PVT1: variants seen among roughly 807,000 people sequenced by gnomAD.
PVT1 encodes Pvt1 oncogene, also known as CXCR4/PVT1 fusion.
intron 2 of PVT1, among the ~76,000 whole-genome samples, chr8:127,835,795 T>C (rs1363736170): frequency 1.3e-5 from 2 of 152,146 alleles, no homozygotes; most frequent in Non-Finnish European, 2.9e-5. Flanking sequence ...TCACACACAA[T>C]TGGATGAGGT....
intron 5 of PVT1, among the ~76,000 whole-genome samples, chr8:128,094,877 C>T (rs114092922): frequency 0.011 from 1,673 of 152,292 alleles, 30 homozygotes; most frequent in African/African-American, 0.038. Context: ...CTCCCCAGAC[C>T]TCTCAGTCTA....
At chr8:127,841,727 T>C (rs1586402362) in intron 2 of PVT1, among the ~76,000 whole-genome samples, 1 of 149,240 alleles carries the variant, frequency 6.7e-6, no homozygotes, top group African/African-American at 2.5e-5. Context: ...ACACATCTGC[T>C]TTTTTTTTTC....
chr8:127,811,523 C>T (rs1215234640), intron 2 of PVT1, among the ~76,000 whole-genome samples: 1 of 152,194 alleles, frequency 6.6e-6, no homozygotes, highest in East Asian at 1.9e-4. Flanking sequence ...GAATGCTAGA[C>T]TGAGCAAGCA....
rs1194929585 is a variant in PVT1 at position 127,898,586 on chromosome 8, T to A, written n.782+7588T>A. ...CCATAATTGATGGGCCACACTAGAC[T>A]GGAGCCAACCATGGCCCATTGCTGA... On this transcript the variant is annotated intron_variant and non_coding_transcript_variant, in intron 3 of 10. Transcript: ENST00000651587. The surrounding 1 kb of genome is among the most constrained non-coding windows in gnomAD (Gnocchi z 4.4). 1.3e-5 allele frequency among the ~76,000 whole-genome samples: 2 copies of A among 152,224 alleles called. No homozygotes were observed. The highest frequency in any genetic ancestry group is 4.8e-5 in the African/African-American group (2 of 41,462).
intron 2 of PVT1, among the ~76,000 whole-genome samples, chr8:127,846,307 T>C (rs1815033307): frequency 6.6e-6 from 1 of 152,226 alleles, no homozygotes; most frequent in African/African-American, 2.4e-5. Context: ...CCATGGTGTC[T>C]TTGGCCTTAT....
At chr8:127,921,598 G>A (rs1026088305) in intron 3 of PVT1, among the ~76,000 whole-genome samples, 2 of 152,040 alleles carry the variant, frequency 1.3e-5, no homozygotes, top group Non-Finnish European at 2.9e-5. Context: ...GATCATTTGA[G>A]GCCAGGAGTT....
intron 4 of PVT1, among the ~76,000 whole-genome samples, chr8:128,020,485 G>T (rs933304417): frequency 7.2e-5 from 11 of 152,194 alleles, no homozygotes; most frequent in African/African-American, 2.4e-4. Flanking sequence ...GTAGGAACTG[G>T]AGGGAGAGAC....
At chr8:127,962,275 A>G (rs1482532060) in intron 3 of PVT1, among the ~76,000 whole-genome samples, 1 of 152,116 alleles carries the variant, frequency 6.6e-6, no homozygotes, top group African/African-American at 2.4e-5. Context: ...ATGAATGTAG[A>G]ATTCTGAGCC....
chr8:128,068,418 A>C (rs1175375215), intron 4 of PVT1, among the ~76,000 whole-genome samples: 1 of 152,176 alleles, frequency 6.6e-6, no homozygotes, highest in Non-Finnish European at 1.5e-5. Flanking sequence ...TGGGAGTCAC[A>C]GTGATGTTCA....
intron 2 of PVT1, among the ~76,000 whole-genome samples, chr8:127,836,186 T>G (rs562404606): frequency 1.3e-5 from 2 of 152,322 alleles, no homozygotes; most frequent in East Asian, 3.8e-4. Context: ...ATTATTTGGC[T>G]CTTTGATTTT....
intron 4 of PVT1, among the ~76,000 whole-genome samples, chr8:128,010,874 T>C (rs1817306758): frequency 6.6e-6 from 1 of 152,214 alleles, no homozygotes; most frequent in Non-Finnish European, 1.5e-5. Flanking sequence ...CACATTTGCC[T>C]GCCGTGTTTA....
At chr8:127,867,166 G>C (rs935548864) in intron 2 of PVT1, among the ~76,000 whole-genome samples, 1 of 152,244 alleles carries the variant, frequency 6.6e-6, no homozygotes, top group Admixed American at 6.5e-5. Context: ...AGAATGCTAG[G>C]AATGGCCAGG....
chr8:127,803,004 A>T (rs898472765), intron 2 of PVT1: 1 of 152,784 alleles, frequency 6.5e-6, no homozygotes, highest in African/African-American at 2.4e-5. Context: ...CTGCAAGTCC[A>T]CTAAGGTGGC....
At chr8:127,897,582 AAAG>A (rs1014440311) in intron 3 of PVT1, among the ~76,000 whole-genome samples, 4 of 150,866 alleles carry the variant, frequency 2.7e-5, no homozygotes, top group Non-Finnish European at 5.9e-5. Flanking sequence ...GGAAAGAAAG[AAAG>A]AAGAGAGGGA....
intron 2 of PVT1, among the ~76,000 whole-genome samples, chr8:127,863,595 G>A (rs1468949645): frequency 1.3e-5 from 2 of 152,194 alleles, no homozygotes; most frequent in Non-Finnish European, 2.9e-5. Context: ...CTCCTTTGTT[G>A]CACCAATTGC....
At chr8:127,983,204 C>G (rs1468136411) in intron 3 of PVT1, among the ~76,000 whole-genome samples, 1 of 152,120 alleles carries the variant, frequency 6.6e-6, no homozygotes, top group Non-Finnish European at 1.5e-5. Context: ...CGGATGTGGC[C>G]TAATTATTTC....
At chr8:127,931,026 T>C (rs1460031575) in intron 3 of PVT1, among the ~76,000 whole-genome samples, 1 of 152,156 alleles carries the variant, frequency 6.6e-6, no homozygotes, top group Non-Finnish European at 1.5e-5. Flanking sequence ...CCCTTCAGCG[T>C]CCCTAGTAGC....
intron 2 of PVT1, among the ~76,000 whole-genome samples, chr8:127,823,603 G>T (rs542256436): frequency 5.1e-4 from 77 of 152,214 alleles, no homozygotes; most frequent in African/African-American, 1.8e-3. Flanking sequence ...TGGACCCTCA[G>T]CAATGTCCCG....
intron 3 of PVT1, chr8:127,984,150 A>C (rs1586467005): frequency 6.6e-6 from 1 of 152,110 alleles, no homozygotes; most frequent in South Asian, 2.1e-4. Context: ...ACGTGCTGGG[A>C]TTACAGGCGA....
Sources: gnomAD v4.1 joint callset for allele counts (sites outside exome capture counted in the v4.1 genomes callset) on GRCh38, gnomAD v4.1.1 for gene constraint, Gnocchi (gnomAD v3.1) non-coding constraint, MANE v1.5 for transcripts, NCBI Gene and HGNC (gene_info 2026-07-23, HGNC 2026-07-21) for gene names.